PIP5KL1: variants seen among roughly 807,000 people sequenced by gnomAD.
PIP5KL1 encodes the protein phosphatidylinositol-4-phosphate 5-kinase like 1.
In PIP5KL1, 45 loss-of-function variants were observed where a neutral mutation model predicts 47.6. The ratio of observed to expected loss-of-function variants is 0.94; its 90% CI spans 0.74 to 1.21. The LOEUF (loss-of-function observed/expected upper bound fraction) is 1.21. Ranked by LOEUF, PIP5KL1 falls within the 50% of genes most tolerant of loss-of-function variation. The pLI is 0.00. For synonymous variants in PIP5KL1, 256 were observed against 234.6 expected (o/e 1.09, Z -0.84); for missense variants, 577 against 547.6 (o/e 1.05, Z -0.54).
In PIP5KL1 at chr9:127,925,137, G is replaced by A. The variant is rs764555984; in HGVS notation, c.887C>T (p.Pro296Leu). ...FQRLHEDERG[P>L]GSSLIFRTAR... ...CGTGCGGAAGATGAGGCTGCTGCCC[G>A]GGCCCCTCTCATCCTCGTGGAGACG... Residue 296 changes from proline to leucine, a missense_variant, in exon 9 of 10, where the codon CCG becomes CTG. Coordinates refer to ENST00000388747, the MANE Select transcript of PIP5KL1 (RefSeq NM_001135219.2). 22 of 1,613,960 alleles carry A rather than the reference G, an allele frequency of 1.4e-5. No individual in the cohort carries two copies. The highest frequency in any genetic ancestry group is 6.7e-5 in the East Asian group (3 of 44,880).
chr9:127,929,921 GCGTC>G lies in PIP5KL1; in HGVS notation c.31-40_31-37del. On this transcript the variant is annotated intron_variant, in intron 1 of 9. Transcript: ENST00000388747. This position sits in a 1 kb window ranked among gnomAD's most constrained non-coding sequence, Gnocchi z 4.0. Reference sequence around the variant, plus strand: ...GAGGCACAGGACACAGCCTGTGGCAGCGTCACAGAGGAAAAAGATCAGGGTTCAA... The same window carrying G: ...GAGGCACAGGACACAGCCTGTGGCAGACAGAGGAAAAAGATCAGGGTTCAA... The G allele has an allele frequency of 6.9e-7, 1 of 1,450,144 alleles. No homozygotes were observed. Among genetic ancestry groups the G allele is most frequent in the Admixed American group, 2.5e-5 (1 of 40,668 alleles). The allele number at this position is 1,450,144 out of a possible 1,614,324, so 89.8% of individuals were successfully genotyped here.
chr9:127,928,033 C>A, intron 4 of PIP5KL1, 32 bp downstream of exon 4: 1 of 1,500,212 alleles, frequency 6.7e-7, no homozygotes. Context: ...GGTACCACTC[C>A]CACCCCTGCC....
chr9:127,927,317 G>T lies in PIP5KL1; in HGVS notation c.574C>A (p.Arg192=). The T allele has an allele frequency of 1.2e-6, 2 of 1,609,676 alleles. No individual in the cohort carries two copies. The highest frequency in any genetic ancestry group is 8.5e-7 in the Non-Finnish European group (1 of 1,179,034). Residue 192 remains arginine (R), a synonymous_variant, in exon 6 of 10, where the codon CGG becomes AGG. Coordinates refer to ENST00000388747, the MANE Select transcript of PIP5KL1 (RefSeq NM_001135219.2). This position sits in a 1 kb window ranked among gnomAD's most constrained non-coding sequence, Gnocchi z 5.5. The part of the protein sequence containing the change: ...LARLLGVHSL[R]VDRGKKTYFI... ...CCCACCTTCTTTCCCCGGTCCACCC[G>T]CAGACTGTGCACTCCTGGAAGGGGA...
Position 127,921,977 on chromosome 9 carries a change from A to G in PIP5KL1, c.1055T>C (p.Val352Ala), listed in dbSNP as rs1439748746. The G allele has an allele frequency of 1.9e-6, 3 of 1,577,844 alleles. No individual in the cohort carries two copies. Among genetic ancestry groups the G allele is most frequent in the African/African-American group, 2.7e-5 (2 of 73,932 alleles). The change falls in exon 10 of 10, where the codon GTC becomes GCC. Residue 352 changes from valine (V) to alanine (A), a missense_variant. By Grantham distance (64) the Val-to-Ala change is moderately conservative. Coordinates refer to ENST00000388747, the MANE Select transcript of PIP5KL1 (RefSeq NM_001135219.2). The part of the protein sequence containing the change: ...YFLGVVDLAT[V>A]YGLRKRLEHL... Reference sequence around the variant, plus strand: ...CTCCAGCCGCTTGCGGAGCCCGTAGACTGTGGCGAGATCCACGACGCCCAG... The same window carrying G: ...CTCCAGCCGCTTGCGGAGCCCGTAGGCTGTGGCGAGATCCACGACGCCCAG...
chr9:127,930,695 T>G, intron 1 of PIP5KL1, 28 bp downstream of exon 1: 1 of 1,557,926 alleles, frequency 6.4e-7, no homozygotes, highest in Non-Finnish European at 8.7e-7. Context: ...CCCTTCCCTC[T>G]CCTGTCCTCT....
Position 127,921,662 on chromosome 9 carries a change from C to G in PIP5KL1, c.*185G>C. 3.8e-6 allele frequency: 3 copies of G among 790,528 alleles called. No individual in the cohort carries two copies. Among genetic ancestry groups the G allele is most frequent in the Admixed American group, 3.0e-5 (1 of 33,818 alleles). 49.0% of individuals were successfully genotyped at this position (790,528 alleles called of 1,614,324 possible). Reference sequence around the variant, plus strand: ...ATTAAATGAGCTAAAGTAGGGGAGTCCTTGGCACGATGCTGGGCACGGCAC... The same window carrying G: ...ATTAAATGAGCTAAAGTAGGGGAGTGCTTGGCACGATGCTGGGCACGGCAC... On this transcript the variant is annotated 3_prime_UTR_variant, in exon 10 of 10. Transcript: ENST00000388747.
chr9:127,925,330 CCCGTG>C, intron 8 of PIP5KL1, 70 bp from the exon 9 acceptor site: 1 of 1,541,738 alleles, frequency 6.5e-7, no homozygotes, highest in Non-Finnish European at 8.8e-7. Context: ...CACACTCTGC[CCCGTG>C]ACAGCATGTG....
chr9:127,925,529 C>T, intron 8 of PIP5KL1: 1 of 476,048 alleles, frequency 2.1e-6, no homozygotes, highest in South Asian at 2.2e-5. Flanking sequence ...GCAGTGGCGC[C>T]ATCTCGGCTC....
intron 9 of PIP5KL1, among the ~76,000 whole-genome samples, chr9:127,922,688 C>A (rs1831301236): frequency 1.6e-5 from 1 of 63,412 alleles, no homozygotes; most frequent in African/African-American, 5.9e-5. Flanking sequence ...GAGCGAGACT[C>A]TGTCTCAAAA....
intron 7 of PIP5KL1, among the ~76,000 whole-genome samples, chr9:127,926,226 C>CTT (rs755465515): frequency 5.5e-5 from 7 of 128,080 alleles, no homozygotes; most frequent in South Asian, 2.5e-4. Context: ...TCTTTCTTCC[C>CTT]TTTTTTTTTT....
intron 9 of PIP5KL1, 33 bp from the exon 10 acceptor site, chr9:127,922,147 T>A (rs759893895): frequency 6.9e-7 from 1 of 1,454,872 alleles, no homozygotes; most frequent in Non-Finnish European, 9.1e-7. Flanking sequence ...AGCTGCCAGC[T>A]CCTCCAGGAA....
chr9:127,925,730 C>G, intron 8 of PIP5KL1, 137 bp downstream of exon 8: 1 of 734,312 alleles, frequency 1.4e-6, no homozygotes, highest in East Asian at 2.7e-5. Context: ...TCCCAAAGTG[C>G]TGGAATTACA....
chr9:127,925,153 C>T lies in PIP5KL1; in HGVS notation c.871G>A (p.Glu291Lys), dbSNP rs1234986475. The T allele has an allele frequency of 3.7e-6, 6 of 1,614,058 alleles. No individual in the cohort carries two copies. The highest frequency in any genetic ancestry group is 2.2e-5 in the East Asian group (1 of 44,886). ...SLLIAFQRLH[E>K]DERGPGSSLI... Reference sequence around the variant, plus strand: ...CTGCTGCCCGGGCCCCTCTCATCCTCGTGGAGACGTTGGAAGGCTATCAGG... The same window carrying T: ...CTGCTGCCCGGGCCCCTCTCATCCTTGTGGAGACGTTGGAAGGCTATCAGG... Residue 291 changes from glutamate to lysine, a missense_variant, in exon 9 of 10, where the codon GAG becomes AAG. By Grantham distance (56) the Glu-to-Lys change is moderately conservative. Transcript: ENST00000388747.
Position 127,927,185 on chromosome 9 carries a change from G to C in PIP5KL1, c.618C>G (p.Ser206Arg). 6.2e-7 allele frequency: 1 copy of C among 1,612,736 alleles called. No homozygotes were observed. The part of the protein sequence containing the change: ...GKKTYFIVMQ[S>R]VFYPAGRISE... ...AGATGCGGCCGGCGGGGTAGAAGAC[G>C]CTCTGCATGACGATGAAGTACGTCT... is the stretch of plus-strand genomic sequence containing the variant. The change falls in exon 7 of 10, where the codon AGC (serine) becomes AGG (arginine). Residue 206 changes from serine to arginine, a missense_variant. Ser to Arg is a moderately radical substitution (Grantham distance 110). Transcript: ENST00000388747. The surrounding 1 kb of genome is among the most constrained non-coding windows in gnomAD (Gnocchi z 5.5).
intron 8 of PIP5KL1, 185 bp downstream of exon 8, chr9:127,925,682 T>C: frequency 1.7e-6 from 1 of 598,804 alleles, no homozygotes; most frequent in Admixed American, 2.7e-5. Flanking sequence ...GCCAGGCTGG[T>C]CTTGAACTCC....
chr9:127,930,540 G>A (rs1452540737), intron 1 of PIP5KL1, among the ~76,000 whole-genome samples, 183 bp downstream of exon 1: 2 of 152,254 alleles, frequency 1.3e-5, no homozygotes, highest in East Asian at 3.9e-4. Flanking sequence ...AGTGTTGAGG[G>A]ATATCCGCCA....
At position 127,925,195 on chromosome 9, in the gene PIP5KL1, C is replaced by T. The variant is rs374463942; in HGVS notation, c.829G>A (p.Val277Met). ...LDTTFLRELN[V>M]LDYSLLIAFQ... The stretch of plus-strand genomic sequence containing the variant: ...GCTATCAGGAGGCTGTAATCCAGCA[C>T]GTTGAGCTCCCGGAGGAAGGTGGTA... Residue 277 changes from valine to methionine, a missense_variant, in exon 9 of 10, where the codon GTG (valine) becomes ATG (methionine). Val to Met is a conservative substitution (Grantham distance 21). Coordinates refer to ENST00000388747, the MANE Select transcript of PIP5KL1 (RefSeq NM_001135219.2). 1.1e-5 allele frequency: 17 copies of T among 1,613,990 alleles called. No homozygotes were observed. Among genetic ancestry groups the T allele is most frequent in the South Asian group, 4.4e-5 (4 of 91,090 alleles).
At chr9:127,922,314 A>C (rs1831294891) in intron 9 of PIP5KL1, among the ~76,000 whole-genome samples, 200 bp from the exon 10 acceptor site, 1 of 103,634 alleles carries the variant, frequency 9.6e-6, no homozygotes, top group African/African-American at 3.3e-5. Context: ...CATTGGCCAC[A>C]GGTGGCCACT....
intron 9 of PIP5KL1, among the ~76,000 whole-genome samples, chr9:127,924,139 C>G (rs1432763166): frequency 1.3e-5 from 2 of 152,176 alleles, no homozygotes; most frequent in Non-Finnish European, 2.9e-5. Context: ...GAGGCAGAGA[C>G]AGACAAATCT....
Sources: allele counts gnomAD v4.1 joint callset (sites outside exome capture counted in the v4.1 genomes callset), GRCh38; gene constraint gnomAD v4.1.1; non-coding constraint Gnocchi (gnomAD v3.1); transcripts MANE v1.5; gene names NCBI Gene and HGNC (gene_info 2026-07-23, HGNC 2026-07-21).